Variants in CDK14 observed in about 807,000 individuals in gnomAD.
CDK14 encodes cyclin-dependent kinase 14.
In CDK14, 34 loss-of-function variants were observed where a neutral mutation model predicts 60.7. The ratio of observed to expected loss-of-function variants is 0.56; its 90% CI spans 0.43 to 0.75. The LOEUF (loss-of-function observed/expected upper bound fraction) is 0.75. Ranked by LOEUF, CDK14 falls within the 30% of genes least tolerant of loss-of-function variation. The probability of loss-of-function intolerance (pLI) is 0.00; values close to 1 mark genes in which losing one functional copy is unlikely to be tolerated. For missense variants in CDK14, 482 were observed against 564.1 expected (o/e 0.85, Z 1.47); for synonymous variants, 197 against 203.7 (o/e 0.97, Z 0.28).
At chr7:90,989,856 G>T (rs1795481311) in intron 10 of CDK14, among the ~76,000 whole-genome samples, 1 of 152,064 alleles carries the variant, frequency 6.6e-6, no homozygotes, top group African/African-American at 2.4e-5. Context: ...TTTTTTAAAT[G>T]CTTGATGTTA....
chr7:90,807,194 T>A (rs1452974901), intron 5 of CDK14, among the ~76,000 whole-genome samples: 1 of 151,848 alleles, frequency 6.6e-6, no homozygotes, highest in Non-Finnish European at 1.5e-5. Context: ...GACCCCCGAG[T>A]AGCGTAAGTG....
chr7:90,596,444 G>A lies in CDK14; in HGVS notation c.-184G>A, dbSNP rs924390323. On this transcript the variant is annotated 5_prime_UTR_variant, in exon 1 of 15. Coordinates refer to ENST00000380050, the MANE Select transcript of CDK14 (RefSeq NM_001287135.2). ...GCCCGCCCAGCTGCGGCCCAGGCCG[G>A]AGCGGAGCCTGCCGTCCTCCGCCTG... 1.0e-5 allele frequency: 5 copies of A among 488,424 alleles called. No homozygotes were observed. The highest frequency in any genetic ancestry group is 1.8e-5 in the Non-Finnish European group (5 of 276,234). The allele number at this position is 488,424 out of a possible 1,614,324, so 30.3% of individuals were successfully genotyped here. A position where few individuals can be genotyped will look rare whatever the true frequency, so the allele number is the denominator to read the frequency against.
intron 12 of CDK14, among the ~76,000 whole-genome samples, chr7:91,089,517 C>T (rs1164267121): frequency 6.6e-6 from 1 of 150,590 alleles, no homozygotes; most frequent in Middle Eastern, 3.2e-3. Flanking sequence ...ATTTATGCAT[C>T]TTCACATATG....
chr7:90,779,381 T>C (rs890394219), intron 4 of CDK14, among the ~76,000 whole-genome samples: 2 of 152,170 alleles, frequency 1.3e-5, no homozygotes, highest in Non-Finnish European at 2.9e-5. Flanking sequence ...GCATCCTAAG[T>C]AGCTGGGACT....
At chr7:91,195,066 C>G (rs1802490557) in intron 14 of CDK14, among the ~76,000 whole-genome samples, 1 of 152,184 alleles carries the variant, frequency 6.6e-6, no homozygotes, top group African/African-American at 2.4e-5. Context: ...AACCACTGAG[C>G]TGTTGACACT....
intron 10 of CDK14, among the ~76,000 whole-genome samples, chr7:91,034,976 AC>A (rs1554408692): frequency 6.6e-6 from 1 of 151,606 alleles, no homozygotes; most frequent in Non-Finnish European, 1.5e-5. Flanking sequence ...ACACACACAC[AC>A]ATTGATAGCT....
At chr7:91,020,521 A>G (rs1432087513) in intron 10 of CDK14, among the ~76,000 whole-genome samples, 1 of 152,232 alleles carries the variant, frequency 6.6e-6, no homozygotes, top group African/African-American at 2.4e-5. Context: ...AGTATATAAT[A>G]TGTCAGAGAG....
At chr7:90,802,985 T>G (rs953986635) in intron 5 of CDK14, among the ~76,000 whole-genome samples, 1 of 152,196 alleles carries the variant, frequency 6.6e-6, no homozygotes, top group Non-Finnish European at 1.5e-5. Context: ...TTCAGCTACC[T>G]GGAGATCTTG....
Position 90,798,380 on chromosome 7 carries a change from A to G in CDK14, c.544+7728A>G, listed in dbSNP as rs539265105. On this transcript the variant is annotated intron_variant, in intron 5 of 14. Coordinates refer to ENST00000380050, the MANE Select transcript of CDK14 (RefSeq NM_001287135.2). ...CCCATTAATACTTCTGGAAGTCCAG[A>G]CACAATAACTCCTCTGTGTATCTAA... Among the ~76,000 whole-genome samples the G allele has an allele frequency of 1.2e-3, 188 of 152,240 alleles. 1 individual carries two copies. The highest frequency in any genetic ancestry group is 3.4e-3 in the Middle Eastern group (1 of 294).
chr7:90,761,369 A>T, intron 4 of CDK14, among the ~76,000 whole-genome samples: 1 of 151,736 alleles, frequency 6.6e-6, no homozygotes. Context: ...GAAATGTTCA[A>T]TTACTGAAAT....
chr7:90,638,068 T>A (rs1436767103), intron 2 of CDK14, among the ~76,000 whole-genome samples: 3 of 150,442 alleles, frequency 2.0e-5, no homozygotes, highest in African/African-American at 7.4e-5. Flanking sequence ...CACTGATGGG[T>A]CTGGACTCTG....
intron 7 of CDK14, among the ~76,000 whole-genome samples, chr7:90,902,206 A>G (rs1562820797): frequency 6.6e-6 from 1 of 152,130 alleles, no homozygotes; most frequent in Non-Finnish European, 1.5e-5. Context: ...CAATTCCTCA[A>G]AATACCAATA....
intron 3 of CDK14, among the ~76,000 whole-genome samples, chr7:90,730,322 G>A (rs1174824646): frequency 1.3e-5 from 2 of 152,152 alleles, no homozygotes; most frequent in Admixed American, 1.3e-4. Flanking sequence ...ACATACGTGT[G>A]CATGTGTCTT....
chr7:90,807,402 G>C (rs1417171941), intron 5 of CDK14, among the ~76,000 whole-genome samples: 1 of 152,120 alleles, frequency 6.6e-6, no homozygotes, highest in East Asian at 1.9e-4. Flanking sequence ...TGCAGCTGAG[G>C]GTACTGAATG....
intron 6 of CDK14, among the ~76,000 whole-genome samples, chr7:90,866,634 A>G (rs1467558369): frequency 6.6e-6 from 1 of 152,188 alleles, no homozygotes; most frequent in African/African-American, 2.4e-5. Flanking sequence ...AAGGATTCTT[A>G]TTTATAATAT....
At chr7:90,932,338 C>G (rs1254429482) in intron 8 of CDK14, among the ~76,000 whole-genome samples, 1 of 152,110 alleles carries the variant, frequency 6.6e-6, no homozygotes, top group Non-Finnish European at 1.5e-5. Context: ...GACTATGTCC[C>G]TATTTCATAA....
intron 8 of CDK14, among the ~76,000 whole-genome samples, chr7:90,940,480 T>C (rs1403575089): frequency 6.6e-6 from 1 of 152,120 alleles, no homozygotes; most frequent in Non-Finnish European, 1.5e-5. Context: ...CCCGTAAGTC[T>C]TTGTATGTAT....
At chr7:91,145,230 C>T (rs1412351615) in intron 14 of CDK14, among the ~76,000 whole-genome samples, 1 of 152,128 alleles carries the variant, frequency 6.6e-6, no homozygotes, top group African/African-American at 2.4e-5. Flanking sequence ...AGACCTGTTC[C>T]GATTGAGCAA....
intron 11 of CDK14, among the ~76,000 whole-genome samples, chr7:91,069,427 G>C (rs1448105138): frequency 1.3e-5 from 2 of 152,072 alleles, no homozygotes; most frequent in Non-Finnish European, 2.9e-5. Flanking sequence ...TGTAGTCTCA[G>C]GTACTTGGGA....
Sources: allele counts gnomAD v4.1 joint callset (sites outside exome capture counted in the v4.1 genomes callset), GRCh38; gene constraint gnomAD v4.1.1; transcripts MANE v1.5; gene names NCBI Gene and HGNC (gene_info 2026-07-23, HGNC 2026-07-21).